The following GNPAT variants were observed in gnomAD, a reference collection of about 807,000 sequenced individuals.
The protein encoded by GNPAT is dihydroxyacetone phosphate acyltransferase.
A neutral mutation model predicts 78.4 loss-of-function variants in GNPAT; 30 were observed. That is an observed-to-expected ratio of 0.38 (90% CI 0.29 to 0.52). GNPAT has a LOEUF of 0.52. GNPAT is among the 20% of genes least tolerant of loss of function. The probability of loss-of-function intolerance (pLI) is 0.84; values close to 1 mark genes in which losing one functional copy is unlikely to be tolerated. For synonymous variants in GNPAT, 271 were observed against 281.1 expected, an observed-to-expected ratio of 0.96 and a Z score of 0.36; for missense variants, 714 against 812.2, an observed-to-expected ratio of 0.88 and a Z score of 1.47.
chr1:231,276,117 C>A lies in GNPAT; in HGVS notation c.1938-18C>A. ...CCCCAGAGTTTATGTAATAATAAAGCTTATTATTTTCTCCTAGAAATAATA... is the reference window on the plus strand; with the variant it reads ...CCCCAGAGTTTATGTAATAATAAAGATTATTATTTTCTCCTAGAAATAATA... On this transcript the variant is annotated intron_variant, in intron 14 of 15. Transcript: ENST00000366647. The A allele has an allele frequency of 2.0e-6, 2 of 1,005,770 alleles. No homozygotes were observed. Among genetic ancestry groups the A allele is most frequent in the African/African-American group, 1.6e-5 (1 of 62,782 alleles). The allele number at this position is 1,005,770 out of a possible 1,614,324, so 62.3% of individuals were successfully genotyped here.
At position 231,266,328 on chromosome 1, in the gene GNPAT, G is replaced by C; in HGVS notation, c.976G>C (p.Val326Leu). Residue 326 changes from valine to leucine, a missense_variant, in exon 8 of 16, where the codon GTG (valine) becomes CTG (leucine). Physicochemically the swap from Val to Leu is conservative, Grantham distance 32. Coordinates refer to ENST00000366647, the MANE Select transcript of GNPAT (RefSeq NM_014236.4). ...ILSENFGSIH[V>L]YFGDPVSLRS... ...CTCTGAAAATTTTGGAAGCATCCAT[G>C]TGTACTTTGGAGATCCTGTGTCACT... The C allele has an allele frequency of 6.2e-7, 1 of 1,613,944 alleles. No individual in the cohort carries two copies. Among genetic ancestry groups the C allele is most frequent in the Admixed American group, 1.7e-5 (1 of 60,028 alleles).
chr1:231,272,735 C>T (rs1685602831), intron 11 of GNPAT, among the ~76,000 whole-genome samples: 1 of 152,176 alleles, frequency 6.6e-6, no homozygotes, highest in Non-Finnish European at 1.5e-5. Context: ...CTTTGGGAGG[C>T]CGAGGCAGGC....
At chr1:231,249,522 A>G (rs1404769627) in intron 1 of GNPAT, among the ~76,000 whole-genome samples, 1 of 152,258 alleles carries the variant, frequency 6.6e-6, no homozygotes, top group African/African-American at 2.4e-5. Context: ...TGTTGGAAAT[A>G]CAAAGAGAAA....
At chr1:231,247,229 A>G (rs1184764652) in intron 1 of GNPAT, among the ~76,000 whole-genome samples, 1 of 151,884 alleles carries the variant, frequency 6.6e-6, no homozygotes, top group Non-Finnish European at 1.5e-5. Context: ...TGAGCCTTAT[A>G]CTGTGAATAC....
chr1:231,266,713 G>A lies in GNPAT; in HGVS notation c.1055+306G>A, dbSNP rs12067239. Among the ~76,000 whole-genome samples the A allele has an allele frequency of 0.011, 1,739 of 152,290 alleles. 43 individuals are homozygous for A. Among genetic ancestry groups the A allele is most frequent in the African/African-American group, 0.039 (1,636 of 41,552 alleles). On this transcript the variant is annotated intron_variant, in intron 8 of 15. Coordinates refer to ENST00000366647, the MANE Select transcript of GNPAT (RefSeq NM_014236.4). ...GCCATTATTAACAAGTATATGTGCA[G>A]GAATTGTTGAGCACTATTGGTAAGC...
At chr1:231,246,644 TTAA>T (rs1684757772) in intron 1 of GNPAT, among the ~76,000 whole-genome samples, 1 of 152,236 alleles carries the variant, frequency 6.6e-6, no homozygotes, top group African/African-American at 2.4e-5. Flanking sequence ...ATTTACTTAC[TTAA>T]TGATAGTAAA....
chr1:231,241,360 C>A lies in GNPAT; in HGVS notation c.-19C>A. ...CTTAGCAAAGAATCCCAGACCCCGC[C>A]CGGGAAGGCAGCCGCACCATGGAGT... On this transcript the variant is annotated 5_prime_UTR_variant, in exon 1 of 16. Coordinates refer to ENST00000366647, the MANE Select transcript of GNPAT (RefSeq NM_014236.4). 1.2e-6 allele frequency: 2 copies of A among 1,606,148 alleles called. No homozygotes were observed. The highest frequency in any genetic ancestry group is 1.1e-5 in the South Asian group (1 of 90,920).
intron 3 of GNPAT, among the ~76,000 whole-genome samples, chr1:231,261,648 T>C (rs1052126570): frequency 6.6e-6 from 1 of 152,220 alleles, no homozygotes; most frequent in African/African-American, 2.4e-5. Flanking sequence ...TACCCTGTTT[T>C]GCATCATACT....
chr1:231,262,732 G>A lies in GNPAT; in HGVS notation c.448G>A (p.Ala150Thr), dbSNP rs1295484934. 1 of 1,610,260 alleles carries A rather than the reference G, an allele frequency of 6.2e-7. No homozygotes were observed. The highest frequency in any genetic ancestry group is 1.3e-5 in the African/African-American group (1 of 74,994). ...NEEGIQKLQR[A>T]IQEHPVVLLP... ...AACATTTACTTTCAAGCTACAAAGAGCCATCCAGGAGCATCCTGTTGTTCT... is the reference window on the plus strand; with the variant it reads ...AACATTTACTTTCAAGCTACAAAGAACCATCCAGGAGCATCCTGTTGTTCT... Residue 150 changes from alanine to threonine, a missense_variant, in exon 4 of 16, where the codon GCC (alanine) becomes ACC (threonine). Physicochemically the swap from Ala to Thr is moderately conservative, Grantham distance 58. Transcript: ENST00000366647.
At chr1:231,243,530 G>A (rs1036936021) in intron 1 of GNPAT, among the ~76,000 whole-genome samples, 1 of 152,106 alleles carries the variant, frequency 6.6e-6, no homozygotes, top group Non-Finnish European at 1.5e-5. Context: ...CACCGTGTTG[G>A]CCAGGCCGGT....
At chr1:231,269,790 A>G (rs755781554) in intron 9 of GNPAT, 1 of 152,244 alleles carries the variant, frequency 6.6e-6, no homozygotes, top group Non-Finnish European at 1.5e-5. Flanking sequence ...GATAAATGCC[A>G]TAACTAATCC....
At chr1:231,261,257 T>C (rs1291585971) in intron 3 of GNPAT, among the ~76,000 whole-genome samples, 1 of 152,220 alleles carries the variant, frequency 6.6e-6, no homozygotes, top group Non-Finnish European at 1.5e-5. Context: ...TTCAACTTTC[T>C]TCTGTATCCA....
At chr1:231,249,856 AAATT>A (rs1168155992) in intron 1 of GNPAT, among the ~76,000 whole-genome samples, 1 of 152,154 alleles carries the variant, frequency 6.6e-6, no homozygotes, top group Non-Finnish European at 1.5e-5. Context: ...ACTTTTTAAA[AAATT>A]AACAAATCAG....
intron 8 of GNPAT, among the ~76,000 whole-genome samples, chr1:231,266,814 T>G (rs1685402458): frequency 6.6e-6 from 1 of 152,196 alleles, no homozygotes; most frequent in Non-Finnish European, 1.5e-5. Context: ...GAGTCCTTAG[T>G]CTCTAGAGAG....
chr1:231,272,281 T>A, intron 10 of GNPAT, 31 bp from the exon 11 acceptor site: 1 of 1,190,146 alleles, frequency 8.4e-7, no homozygotes, highest in East Asian at 2.3e-5. Context: ...AAGGGCAATG[T>A]TGTAATTTTA....
chr1:231,269,134 G>GT lies in GNPAT; in HGVS notation c.1279+1232dup, dbSNP rs544337687. On this transcript the variant is annotated intron_variant, in intron 9 of 15. Transcript: ENST00000366647. The stretch of plus-strand genomic sequence containing the variant: ...TGGGTGGGTAATGTGTAAACAAGTT[G>GT]TGAGGGTTCAGTGAACAGAGACAAG... 6.5e-4 allele frequency among the ~76,000 whole-genome samples: 99 copies of GT among 152,218 alleles called. 4 individuals are homozygous for GT. In the South Asian group the frequency reaches 0.02, roughly 30 times the overall value.
At chr1:231,273,349 T>C (rs1285895193) in intron 11 of GNPAT, among the ~76,000 whole-genome samples, 1 of 151,262 alleles carries the variant, frequency 6.6e-6, no homozygotes, top group Non-Finnish European at 1.5e-5. Context: ...CCTCCCGGGT[T>C]CACTCCATTC....
Position 231,270,938 on chromosome 1 carries a change from A to G in GNPAT, c.1460A>G (p.Asn487Ser). The G allele has an allele frequency of 1.2e-6, 2 of 1,614,160 alleles. No individual in the cohort carries two copies. The highest frequency in any genetic ancestry group is 1.3e-5 in the African/African-American group (1 of 75,062). Reference protein sequence around the residue: ...MCSAYRNQLLNIFVRPSLVAV... With the variant: ...MCSAYRNQLLSIFVRPSLVAV... Reference sequence around the variant, plus strand: ...TCAGCTTATAGGAACCAGCTGCTCAACATTTTTGTGCGCCCATCCTTAGTA... The same window carrying G: ...TCAGCTTATAGGAACCAGCTGCTCAGCATTTTTGTGCGCCCATCCTTAGTA... The change falls in exon 10 of 16, where the codon AAC becomes AGC. Residue 487 changes from asparagine (N) to serine (S), a missense_variant. Transcript: ENST00000366647.
intron 1 of GNPAT, among the ~76,000 whole-genome samples, chr1:231,248,599 C>T (rs1372185948): frequency 2.0e-5 from 3 of 151,962 alleles, no homozygotes; most frequent in East Asian, 1.9e-4. Context: ...TAAAAATCCT[C>T]ATGTAAGTAG....
Sources: allele counts gnomAD v4.1 joint callset (sites outside exome capture counted in the v4.1 genomes callset), GRCh38; gene constraint gnomAD v4.1.1; transcripts MANE v1.5; gene names NCBI Gene and HGNC (gene_info 2026-07-23, HGNC 2026-07-21).